SLC45A4: variants seen among roughly 807,000 people sequenced by gnomAD.
SLC45A4 encodes polyamine-transporter SLC45A4.
Under a neutral mutation model 63.7 loss-of-function variants are expected in SLC45A4, and 32 were observed. That is an observed-to-expected ratio of 0.50 (90% CI 0.38 to 0.67). The LOEUF is 0.67. Ranked by LOEUF, SLC45A4 falls within the 30% of genes least tolerant of loss-of-function variation. SLC45A4 has a pLI of 0.00. For missense variants in SLC45A4, 1,027 were observed against 1,157.7 expected (o/e 0.89, Z 1.64); for synonymous variants, 535 against 510.0 (o/e 1.05, Z -0.66).
At chr8:141,223,114 G>A (rs1368204121) in intron 2 of SLC45A4, among the ~76,000 whole-genome samples, 1 of 152,222 alleles carries the variant, frequency 6.6e-6, no homozygotes, top group African/African-American at 2.4e-5. Context: ...ATTTTCAGAG[G>A]AGGAGGGAAG....
At chr8:141,259,302 G>C (rs970872717) in intron 1 of SLC45A4, among the ~76,000 whole-genome samples, 1 of 152,218 alleles carries the variant, frequency 6.6e-6, no homozygotes, top group African/African-American at 2.4e-5. Flanking sequence ...TTGGGACACT[G>C]CTGACCCAGC....
chr8:141,253,790 G>A (rs1464228309), intron 2 of SLC45A4, among the ~76,000 whole-genome samples, 199 bp downstream of exon 2: 1 of 152,144 alleles, frequency 6.6e-6, no homozygotes, highest in Non-Finnish European at 1.5e-5. Context: ...AACATCCGAA[G>A]ATCACTCCTC....
Position 141,243,806 on chromosome 8 carries a change from G to A in SLC45A4, c.241+10183C>T, listed in dbSNP as rs527843404. Among the ~76,000 whole-genome samples, 181 of 151,542 alleles carry A rather than the reference G, an allele frequency of 1.2e-3. 1 individual carries two copies. The Middle Eastern group carries it at 0.014, about 11-fold the overall frequency. On this transcript the variant is annotated intron_variant, in intron 2 of 8. Coordinates refer to ENST00000517878, the MANE Select transcript of SLC45A4 (RefSeq NM_001286646.2). ...AGATGAGGATGAAGGCCTTTATGAC[G>A]GTCCACTTCCACATAATGAATAGGA...
rs773866734 is a variant in SLC45A4 at position 141,211,444 on chromosome 8, ACT to A, written c.*126_*127del. On this transcript the variant is annotated 3_prime_UTR_variant, in exon 9 of 9. Coordinates refer to ENST00000517878, the MANE Select transcript of SLC45A4 (RefSeq NM_001286646.2). ...TGTCTGGGAGCCACCCCTGCAAATC[ACT>A]GTCTTCTGCCCAGGCCCCCCGGACC... The A allele has an allele frequency of 5.1e-6, 8 of 1,572,680 alleles. No homozygotes were observed. Among genetic ancestry groups the A allele is most frequent in the Non-Finnish European group, 6.9e-6 (8 of 1,159,910 alleles).
At position 141,208,730 on chromosome 8, in the gene SLC45A4, A is replaced by G. The variant is rs1189437867; in HGVS notation, c.*2842T>C. 2.0e-5 allele frequency: 3 copies of G among 152,256 alleles called. No homozygotes were observed. The highest frequency in any genetic ancestry group is 6.5e-5 in the Admixed American group (1 of 15,290). The allele number at this position is 152,256 out of a possible 1,614,324, so 9.4% of individuals were successfully genotyped here. A position where few individuals can be genotyped will look rare whatever the true frequency, so the allele number is the denominator to read the frequency against. On this transcript the variant is annotated 3_prime_UTR_variant, in exon 9 of 9. Coordinates refer to ENST00000517878, the MANE Select transcript of SLC45A4 (RefSeq NM_001286646.2). ...TGCCAGTCTGCCGACAGACCCAGGA[A>G]AGGGGACACAGGCAGGCCGGCCCAG...
rs147086141 is a variant in SLC45A4 at position 141,239,267 on chromosome 8, G to A, written c.241+14722C>T. Among the ~76,000 whole-genome samples the A allele has an allele frequency of 2.0e-5, 3 of 152,300 alleles. No individual in the cohort carries two copies. In the East Asian group the frequency reaches 5.8e-4, roughly 29 times the overall value. ...CAAAACAGGAAGACAAACCAAGAGC[G>A]TGCTATCCACAGACATCCCTGGGTC... On this transcript the variant is annotated intron_variant, in intron 2 of 8. Transcript: ENST00000517878.
Position 141,210,587 on chromosome 8 carries a change from T to TAA in SLC45A4, c.*983_*984dup, listed in dbSNP as rs1232189581. On this transcript the variant is annotated 3_prime_UTR_variant, in exon 9 of 9. Coordinates refer to ENST00000517878, the MANE Select transcript of SLC45A4 (RefSeq NM_001286646.2). Reference sequence around the variant, plus strand: ...AAGACCAGAGGCCCATCAAGTACATTAAACAGTCGTTCCTTTAAATACACA... The same window carrying TAA: ...AAGACCAGAGGCCCATCAAGTACATTAAAAACAGTCGTTCCTTTAAATACACA... 2 of 152,196 alleles carry TAA rather than the reference T, an allele frequency of 1.3e-5. No homozygotes were observed. Among genetic ancestry groups the TAA allele is most frequent in the African/African-American group, 4.8e-5 (2 of 41,442 alleles). 9.4% of individuals were successfully genotyped at this position (152,196 alleles called of 1,614,324 possible).
intron 1 of SLC45A4, among the ~76,000 whole-genome samples, chr8:141,304,580 G>GGT (rs1563687621): frequency 1.3e-5 from 2 of 149,242 alleles, no homozygotes; most frequent in Non-Finnish European, 1.5e-5. Flanking sequence ...AAAAGGGGGG[G>GGT]AGAGAGAGAA....
At chr8:141,272,686 C>T (rs1451169693) in intron 1 of SLC45A4, among the ~76,000 whole-genome samples, 1 of 152,156 alleles carries the variant, frequency 6.6e-6, no homozygotes, top group Non-Finnish European at 1.5e-5. Flanking sequence ...TCCTGCTATA[C>T]CCTCTGCCCG....
In SLC45A4 at chr8:141,218,255, T is replaced by C. The variant is rs1230539280; in HGVS notation, c.1385A>G (p.Gln462Arg). Residue 462 changes from glutamine (Q) to arginine (R), a missense_variant, in exon 5 of 9, where the codon CAG (glutamine) becomes CGG (arginine). Transcript: ENST00000517878. ...GTGCCGGTGCTGCCGCTGCCGCTTC[T>C]GCATGTCGTACAGGTCGCTCATGCT... is the stretch of plus-strand genomic sequence containing the variant. ...SRSMSDLYDM[Q>R]KRQRQHRHRN... The C allele has an allele frequency of 2.5e-6, 4 of 1,602,568 alleles. No homozygotes were observed. In the African/African-American group the frequency reaches 5.3e-5, roughly 21 times the overall value.
chr8:141,254,354 C>T lies in SLC45A4; in HGVS notation c.-125G>A. On this transcript the variant is annotated 5_prime_UTR_variant, in exon 2 of 9. Transcript: ENST00000517878. The surrounding 1 kb of genome is among the most constrained non-coding windows in gnomAD (Gnocchi z 4.5). ...TCTGCTGTGTTCCTCGGGCAGGTAA[C>T]ACTTACATTCCTCTTTGCACAAGTG... The T allele has an allele frequency of 9.0e-7, 1 of 1,115,142 alleles. No homozygotes were observed. The highest frequency in any genetic ancestry group is 2.6e-5 in the East Asian group (1 of 38,704). The allele number at this position is 1,115,142 out of a possible 1,614,324, so 69.1% of individuals were successfully genotyped here. A position where few individuals can be genotyped will look rare whatever the true frequency, so the allele number is the denominator to read the frequency against.
Position 141,271,590 on chromosome 8 carries a change from A to G in SLC45A4, c.-400-16961T>C, listed in dbSNP as rs114857788. ...AGGCATCAGGGTAATCCCCCTCCTG[A>G]TCCCCTTCCTGACCCCATTTCAGAA... On this transcript the variant is annotated intron_variant, in intron 1 of 8. Transcript: ENST00000517878. 5.4e-3 allele frequency among the ~76,000 whole-genome samples: 827 copies of G among 152,276 alleles called. 8 individuals are homozygous for G. Among genetic ancestry groups the G allele is most frequent in the African/African-American group, 0.018 (764 of 41,558 alleles).
intron 1 of SLC45A4, among the ~76,000 whole-genome samples, chr8:141,269,320 C>G (rs890333218): frequency 1.3e-5 from 2 of 152,224 alleles, no homozygotes; most frequent in Non-Finnish European, 2.9e-5. Context: ...CAGGGCACTT[C>G]AGAAACCGAA....
intron 1 of SLC45A4, among the ~76,000 whole-genome samples, chr8:141,293,709 G>A (rs546439926): frequency 2.0e-4 from 30 of 152,228 alleles, no homozygotes; most frequent in African/African-American, 6.7e-4. Flanking sequence ...GAGGCGGGCA[G>A]ATTGCCTGAG....
rs1352610261 is a variant in SLC45A4 at position 141,207,509 on chromosome 8, C to A, written c.*4063G>T. The A allele has an allele frequency of 6.6e-6, 1 of 152,264 alleles. No homozygotes were observed. Among genetic ancestry groups the A allele is most frequent in the Non-Finnish European group, 1.5e-5 (1 of 68,052 alleles). 9.4% of individuals were successfully genotyped at this position (152,264 alleles called of 1,614,324 possible). A position where few individuals can be genotyped will look rare whatever the true frequency, so the allele number is the denominator to read the frequency against. On this transcript the variant is annotated 3_prime_UTR_variant, in exon 9 of 9. Coordinates refer to ENST00000517878, the MANE Select transcript of SLC45A4 (RefSeq NM_001286646.2). ...TTACCACCACTGCTAACTCAGCAAG[C>A]GCGATTACAGTGCTCCAACTTAATA...
intron 1 of SLC45A4, among the ~76,000 whole-genome samples, chr8:141,279,276 G>A (rs1256053454): frequency 6.6e-6 from 1 of 152,238 alleles, no homozygotes; most frequent in Non-Finnish European, 1.5e-5. Context: ...CAGGATGGCT[G>A]CCAGGTGAAG....
rs185369741 is a variant in SLC45A4, at chr8:141,221,012, G to A, written c.430+565C>T. Among the ~76,000 whole-genome samples the A allele has an allele frequency of 6.0e-4, 91 of 152,364 alleles. No homozygotes were observed. The East Asian group carries it at 0.012, about 20-fold the overall frequency. ...GCGTCCCGGGGCCTCTCCTCCTGCC[G>A]CTTAACTCCCTCAGCTCCCTCCGCA... On this transcript the variant is annotated intron_variant, in intron 3 of 8. Coordinates refer to ENST00000517878, the MANE Select transcript of SLC45A4 (RefSeq NM_001286646.2).
chr8:141,245,281 G>A (rs1828133738), intron 2 of SLC45A4, among the ~76,000 whole-genome samples: 1 of 152,176 alleles, frequency 6.6e-6, no homozygotes, highest in African/African-American at 2.4e-5. Context: ...TCCAAGAGGA[G>A]CCAACATTGG....
rs2154613891 is a variant in SLC45A4 at position 141,209,279 on chromosome 8, G to A, written c.*2293C>T. ...GCTGCGGGCGCAATGGCGCTTTGCA[G>A]ACAAGACAGCCTGCCCGTCTGCCCT... On this transcript the variant is annotated 3_prime_UTR_variant, in exon 9 of 9. Transcript: ENST00000517878. 6.6e-6 allele frequency: 1 copy of A among 152,594 alleles called. No individual in the cohort carries two copies. The allele number at this position is 152,594 out of a possible 1,614,324, so 9.5% of individuals were successfully genotyped here. A position where few individuals can be genotyped will look rare whatever the true frequency, so the allele number is the denominator to read the frequency against.
Sources: allele counts gnomAD v4.1 joint callset (sites outside exome capture counted in the v4.1 genomes callset), GRCh38; gene constraint gnomAD v4.1.1; non-coding constraint Gnocchi (gnomAD v3.1); transcripts MANE v1.5; gene names NCBI Gene and HGNC (gene_info 2026-07-23, HGNC 2026-07-21).